The following ARHGAP21 variants were observed in gnomAD, a reference collection of about 807,000 sequenced individuals.
ARHGAP21 encodes the protein Rho GTPase activating protein 21.
Under a neutral mutation model 164.6 loss-of-function variants are expected in ARHGAP21, and 38 were observed. That is an observed-to-expected ratio of 0.23 (90% CI 0.18 to 0.30). The LOEUF is 0.30. Ranked by LOEUF, ARHGAP21 falls within the 10% of genes least tolerant of loss-of-function variation. ARHGAP21 has a pLI of 1.00. For missense variants in ARHGAP21, 1,822 were observed against 2,370.7 expected (o/e 0.77, Z 4.81); for synonymous variants, 766 against 857.9 (o/e 0.89, Z 1.87).
At chr10:24,713,181 C>CA (rs1165623206) in intron 2 of ARHGAP21, among the ~76,000 whole-genome samples, 2 of 151,930 alleles carry the variant, frequency 1.3e-5, no homozygotes, top group Non-Finnish European at 2.9e-5. Flanking sequence ...GTGCAATGAA[C>CA]AAAAAAATAG....
At chr10:24,628,750 AAT>A (rs1491497603) in intron 7 of ARHGAP21, among the ~76,000 whole-genome samples, 5 of 101,166 alleles carry the variant, frequency 4.9e-5, no homozygotes, top group South Asian at 3.4e-4. Flanking sequence ...TCTTGAATGA[AAT>A]ATGTGTGTGT....
intron 2 of ARHGAP21, among the ~76,000 whole-genome samples, chr10:24,721,463 C>T (rs1217270497): frequency 6.6e-6 from 1 of 152,194 alleles, no homozygotes; most frequent in Non-Finnish European, 1.5e-5. Flanking sequence ...ATGCTGAAAG[C>T]CACCCCCAAC....
chr10:24,617,608 T>A (rs1411647830), intron 9 of ARHGAP21, among the ~76,000 whole-genome samples: 2 of 151,842 alleles, frequency 1.3e-5, no homozygotes, highest in Admixed American at 1.3e-4. Context: ...TATATCCGAT[T>A]TATAAAAAAA....
At chr10:24,694,940 A>G (rs904940406) in intron 2 of ARHGAP21, among the ~76,000 whole-genome samples, 1 of 151,802 alleles carries the variant, frequency 6.6e-6, no homozygotes, top group Non-Finnish European at 1.5e-5. Context: ...CATCTCAGCT[A>G]TTCAGGAGGC....
chr10:24,665,330 T>G (rs890037251), intron 4 of ARHGAP21, among the ~76,000 whole-genome samples: 1 of 151,974 alleles, frequency 6.6e-6, no homozygotes, highest in Non-Finnish European at 1.5e-5. Flanking sequence ...GGCCATTTCC[T>G]TCTCATTTTA....
chr10:24,642,935 C>T (rs1037994711), intron 4 of ARHGAP21, among the ~76,000 whole-genome samples: 1 of 152,150 alleles, frequency 6.6e-6, no homozygotes, highest in African/African-American at 2.4e-5. Context: ...CTGGAAAATG[C>T]TAATAGTAAA....
intron 15 of ARHGAP21, 125 bp downstream of exon 15, chr10:24,597,820 A>G: frequency 8.7e-7 from 1 of 1,145,022 alleles, no homozygotes; most frequent in Non-Finnish European, 1.2e-6. Context: ...TAGCGTAGAG[A>G]GGATTTGGTA....
rs1332739735 is a variant in ARHGAP21 at position 24,655,929 on chromosome 10, G to T, written c.268+11056C>A. On this transcript the variant is annotated intron_variant, in intron 4 of 25. Coordinates refer to ENST00000396432, the MANE Select transcript of ARHGAP21 (RefSeq NM_020824.4). ...AGACCCCGTCTGGGAGGTGAGGAGC[G>T]TCTCTGCCCGGCCACCCCGTCTGAG... 7.3e-4 allele frequency among the ~76,000 whole-genome samples: 79 copies of T among 108,860 alleles called. 3 individuals are homozygous for T. In the East Asian group the frequency reaches 0.021, roughly 29 times the overall value. 71.4% of individuals were successfully genotyped at this position (108,860 alleles called of 152,430 possible). A position where few individuals can be genotyped will look rare whatever the true frequency, so the allele number is the denominator to read the frequency against.
chr10:24,630,555 A>C (rs777634842), intron 6 of ARHGAP21, among the ~76,000 whole-genome samples: 18 of 152,054 alleles, frequency 1.2e-4, no homozygotes, highest in Non-Finnish European at 2.2e-4. Flanking sequence ...GCAGTGGCGC[A>C]ATCTTGGCTC....
At chr10:24,693,438 C>T (rs1247976135) in intron 2 of ARHGAP21, among the ~76,000 whole-genome samples, 1 of 151,888 alleles carries the variant, frequency 6.6e-6, no homozygotes, top group African/African-American at 2.4e-5. Flanking sequence ...TCTGCCTCTG[C>T]CTCCCCGGTA....
rs145498306 is a variant in ARHGAP21 at position 24,607,683 on chromosome 10, T to C, written c.2581+62A>G. The C allele has an allele frequency of 7.6e-4, 1,230 of 1,610,570 alleles. 1 individual carries two copies. The highest frequency in any genetic ancestry group is 9.4e-4 in the Non-Finnish European group (1,111 of 1,177,216). On this transcript the variant is annotated intron_variant, in intron 10 of 25. Transcript: ENST00000396432. The stretch of plus-strand genomic sequence containing the variant: ...TAACGGTGGAAACATCAGTTTATCA[T>C]ACTATTCTAAGTGGAAAACAGAGCA...
At chr10:24,711,530 G>C (rs1030610188) in intron 2 of ARHGAP21, among the ~76,000 whole-genome samples, 1 of 152,056 alleles carries the variant, frequency 6.6e-6, no homozygotes, top group African/African-American at 2.4e-5. Context: ...TAATATTCAC[G>C]TAACTATCTT....
At chr10:24,686,406 C>T (rs964218870) in intron 2 of ARHGAP21, among the ~76,000 whole-genome samples, 1 of 151,792 alleles carries the variant, frequency 6.6e-6, no homozygotes, top group Admixed American at 6.6e-5. Flanking sequence ...CCAGCCTGGG[C>T]AACAGAGTGA....
chr10:24,605,311 G>A (rs1406932446), intron 11 of ARHGAP21, among the ~76,000 whole-genome samples: 2 of 152,160 alleles, frequency 1.3e-5, no homozygotes, highest in African/African-American at 4.8e-5. Context: ...TGCTGAAGCT[G>A]GTGACAGGAG....
chr10:24,596,035 T>C lies in ARHGAP21; in HGVS notation c.3486A>G (p.Pro1162=), dbSNP rs777945640. 5.0e-6 allele frequency: 8 copies of C among 1,596,846 alleles called. No individual in the cohort carries two copies. In the South Asian group the frequency reaches 6.8e-5, roughly 14 times the overall value. Reference sequence around the variant, plus strand: ...ATTTGCAACATATGTCAACTATTAATGGAATATACTGCAAAACAAGAAATA... The same window carrying C: ...ATTTGCAACATATGTCAACTATTAACGGAATATACTGCAAAACAAGAAATA... ...CPPAHTNRYI[P]LIVDICCKLV... is the part of the protein sequence containing the mutation. The change falls in exon 18 of 26, where the codon CCA becomes CCG. Residue 1162 remains proline (P), a synonymous_variant. Coordinates refer to ENST00000396432, the MANE Select transcript of ARHGAP21 (RefSeq NM_020824.4).
intron 2 of ARHGAP21, among the ~76,000 whole-genome samples, chr10:24,679,855 C>T (rs1270953193): frequency 6.6e-6 from 1 of 152,130 alleles, no homozygotes; most frequent in Non-Finnish European, 1.5e-5. Context: ...CATATGTATA[C>T]ATGTGCCATG....
chr10:24,718,439 G>A (rs184611522), intron 2 of ARHGAP21, among the ~76,000 whole-genome samples: 101 of 152,210 alleles, frequency 6.6e-4, no homozygotes, highest in Admixed American at 4.1e-3. Flanking sequence ...CAGGGAGTGA[G>A]AAAGAGAATA....
chr10:24,700,776 G>A (rs1843601989), intron 2 of ARHGAP21, among the ~76,000 whole-genome samples: 1 of 152,178 alleles, frequency 6.6e-6, no homozygotes, highest in African/African-American at 2.4e-5. Context: ...AACAAATTAA[G>A]TACCTCTCAA....
chr10:24,654,475 C>T (rs920473381), intron 4 of ARHGAP21, among the ~76,000 whole-genome samples: 13 of 152,152 alleles, frequency 8.5e-5, no homozygotes, highest in Non-Finnish European at 1.6e-4. Context: ...CATTCCTATA[C>T]ACCAATAACA....
Sources: allele counts gnomAD v4.1 joint callset (sites outside exome capture counted in the v4.1 genomes callset), GRCh38; gene constraint gnomAD v4.1.1; transcripts MANE v1.5; gene names NCBI Gene and HGNC (gene_info 2026-07-23, HGNC 2026-07-21).